Variants in PPM1H observed in about 807,000 individuals in gnomAD.
PPM1H encodes the protein protein phosphatase 1H.
In PPM1H, 27 loss-of-function variants were observed where a neutral mutation model predicts 54.9. That is an observed-to-expected ratio of 0.49 (90% CI 0.36 to 0.68). The LOEUF (loss-of-function observed/expected upper bound fraction) is 0.68. Ranked by LOEUF, PPM1H falls within the 30% of genes least tolerant of loss-of-function variation. PPM1H has a pLI of 0.00. For synonymous variants in PPM1H, 305 were observed against 270.8 expected (o/e 1.13, Z -1.24); for missense variants, 596 against 667.8 (o/e 0.89, Z 1.19).
chr12:62,834,528 A>C (rs1178655121), intron 1 of PPM1H, among the ~76,000 whole-genome samples: 4 of 152,142 alleles, frequency 2.6e-5, no homozygotes, highest in Admixed American at 6.5e-5. Context: ...GTTGAGCTGG[A>C]CTGTGGGGAA....
At chr12:62,820,001 G>A (rs993657128) in intron 2 of PPM1H, among the ~76,000 whole-genome samples, 10 of 152,172 alleles carry the variant, frequency 6.6e-5, no homozygotes, top group South Asian at 2.1e-4. Flanking sequence ...GCAAGGGGTC[G>A]GGGAATTCCC....
intron 8 of PPM1H, among the ~76,000 whole-genome samples, chr12:62,667,798 G>C (rs927640733): frequency 6.6e-6 from 1 of 152,132 alleles, no homozygotes; most frequent in Non-Finnish European, 1.5e-5. Flanking sequence ...CTCAGTCTGT[G>C]GGGGAGATAA....
At chr12:62,933,611 G>T (rs537717965) in intron 1 of PPM1H, among the ~76,000 whole-genome samples, 1 of 152,174 alleles carries the variant, frequency 6.6e-6, no homozygotes, top group South Asian at 2.1e-4. Flanking sequence ...GTTTCGTACA[G>T]CTGAGGTAGT....
chr12:62,846,334 TA>T (rs201014283), intron 1 of PPM1H, among the ~76,000 whole-genome samples: 1 of 151,516 alleles, frequency 6.6e-6, no homozygotes, highest in South Asian at 2.1e-4. Flanking sequence ...CCATCGGTAC[TA>T]AAAAAAATAC....
intron 1 of PPM1H, among the ~76,000 whole-genome samples, chr12:62,883,396 G>A (rs1870464859): frequency 6.6e-6 from 1 of 152,086 alleles, no homozygotes; most frequent in East Asian, 1.9e-4. Context: ...CCTTTAATCT[G>A]AGTTAGGGTG....
intron 9 of PPM1H, among the ~76,000 whole-genome samples, chr12:62,662,874 A>G (rs991325119): frequency 6.6e-6 from 1 of 152,080 alleles, no homozygotes; most frequent in Non-Finnish European, 1.5e-5. Flanking sequence ...CAAAGTAACC[A>G]TTATCTTGAA....
intron 2 of PPM1H, among the ~76,000 whole-genome samples, chr12:62,819,431 A>G (rs2076889033): frequency 6.6e-6 from 1 of 152,122 alleles, no homozygotes; most frequent in South Asian, 2.1e-4. Flanking sequence ...CTGGCCAAAC[A>G]TTGCTTTCTT....
intron 1 of PPM1H, among the ~76,000 whole-genome samples, chr12:62,902,409 T>A (rs1367826926): frequency 6.6e-6 from 1 of 151,932 alleles, no homozygotes; most frequent in Non-Finnish European, 1.5e-5. Context: ...AAAAGCTTTT[T>A]AAAAAAATTT....
chr12:62,912,409 T>G (rs1408962200), intron 1 of PPM1H, among the ~76,000 whole-genome samples: 1 of 152,158 alleles, frequency 6.6e-6, no homozygotes, highest in African/African-American at 2.4e-5. Context: ...GTCTCTTCTC[T>G]CAGGAAGGAC....
At chr12:62,704,625 C>G (rs1448721746) in intron 6 of PPM1H, among the ~76,000 whole-genome samples, 1 of 152,160 alleles carries the variant, frequency 6.6e-6, no homozygotes, top group Admixed American at 6.5e-5. Context: ...GATTCAGGCA[C>G]AAATAGTACC....
chr12:62,905,619 TA>T (rs1488020464), intron 1 of PPM1H, among the ~76,000 whole-genome samples: 1 of 152,152 alleles, frequency 6.6e-6, no homozygotes. Context: ...TCCGTTTAAG[TA>T]GAGAAGAATG....
rs1477434366 is a variant in PPM1H, at chr12:62,934,178, G to T, written c.245+314C>A. 1.2e-5 allele frequency: 4 copies of T among 321,160 alleles called. No individual in the cohort carries two copies. The highest frequency in any genetic ancestry group is 9.4e-5 in the South Asian group (1 of 10,688). The allele number at this position is 321,160 out of a possible 1,614,324, so 19.9% of individuals were successfully genotyped here. A position where few individuals can be genotyped will look rare whatever the true frequency, so the allele number is the denominator to read the frequency against. On this transcript the variant is annotated intron_variant, in intron 1 of 9. Transcript: ENST00000228705. The surrounding 1 kb of genome is among the most constrained non-coding windows in gnomAD (Gnocchi z 4.2). ...TTCAAACTTCAGAGCTTTTCTGCCC[G>T]TTTTTTTTCCCCAAGTGACAGAGAC... is the stretch of plus-strand genomic sequence containing the variant.
At chr12:62,755,877 TG>T in intron 4 of PPM1H, 1 of 784,268 alleles carries the variant, frequency 1.3e-6, no homozygotes. Context: ...GCTAAGGTTG[TG>T]GGCAAGGTCA....
intron 1 of PPM1H, among the ~76,000 whole-genome samples, chr12:62,924,957 C>T (rs563979509): frequency 7.2e-5 from 11 of 152,076 alleles, no homozygotes; most frequent in Admixed American, 5.2e-4. Flanking sequence ...GCACAGGAAT[C>T]GCTTGAACCC....
At chr12:62,763,976 G>C (rs1005906516) in intron 4 of PPM1H, among the ~76,000 whole-genome samples, 2 of 152,320 alleles carry the variant, frequency 1.3e-5, no homozygotes, top group South Asian at 4.1e-4. Flanking sequence ...CTCCAGCGAA[G>C]GTCAGGGTGC....
intron 4 of PPM1H, among the ~76,000 whole-genome samples, chr12:62,782,468 T>G (rs2076647981): frequency 6.6e-6 from 1 of 152,004 alleles, no homozygotes; most frequent in South Asian, 2.1e-4. Flanking sequence ...GCTTTAACTG[T>G]AAAGGGGGGT....
chr12:62,858,406 T>A (rs1869472762), intron 1 of PPM1H, among the ~76,000 whole-genome samples: 1 of 152,202 alleles, frequency 6.6e-6, no homozygotes, highest in African/African-American at 2.4e-5. Flanking sequence ...TTTAGGCTCA[T>A]TTTTCAGCCC....
At chr12:62,886,942 G>A (rs1870611075) in intron 1 of PPM1H, among the ~76,000 whole-genome samples, 1 of 152,202 alleles carries the variant, frequency 6.6e-6, no homozygotes, top group South Asian at 2.1e-4. Context: ...AGGGGAAAGC[G>A]ATGGGAAGAC....
chr12:62,716,997 G>A (rs1274335712), intron 6 of PPM1H, among the ~76,000 whole-genome samples: 1 of 152,148 alleles, frequency 6.6e-6, no homozygotes, highest in Non-Finnish European at 1.5e-5. Context: ...ATTTAGAGAT[G>A]AGGTCTTGCT....
Sources: allele counts gnomAD v4.1 joint callset (sites outside exome capture counted in the v4.1 genomes callset), GRCh38; gene constraint gnomAD v4.1.1; non-coding constraint Gnocchi (gnomAD v3.1); transcripts MANE v1.5; gene names NCBI Gene and HGNC (gene_info 2026-07-23, HGNC 2026-07-21).